The following RIPOR2 variants were observed in gnomAD, a reference collection of about 807,000 sequenced individuals.
RIPOR2 encodes the protein rho family-interacting cell polarization regulator 2.
RIPOR2 carries 39 observed loss-of-function variants against 114.5 expected under a neutral mutation model. That is an observed-to-expected ratio of 0.34 (90% CI 0.26 to 0.44). The LOEUF is 0.44. Among genes scored for constraint, RIPOR2 ranks in the 20% least tolerant of loss-of-function variants. RIPOR2 has a pLI of 1.00. For synonymous variants in RIPOR2, 445 were observed against 484.4 expected (o/e 0.92, Z 1.07); for missense variants, 1,007 against 1,255.1 (o/e 0.80, Z 2.99).
chr6:24,884,744 C>T (rs1766662662), intron 1 of RIPOR2, among the ~76,000 whole-genome samples: 1 of 152,132 alleles, frequency 6.6e-6, no homozygotes, highest in African/African-American at 2.4e-5. Flanking sequence ...CAATTGAAAT[C>T]AAAGCTTCAT....
rs6918088 is a variant in RIPOR2, at chr6:24,878,812, G to A, written c.62-2995C>T. Among the ~76,000 whole-genome samples, 944 of 152,252 alleles carry A rather than the reference G, an allele frequency of 6.2e-3. 11 individuals are homozygous for A. Among genetic ancestry groups the A allele is most frequent in the African/African-American group, 0.021 (859 of 41,564 alleles). On this transcript the variant is annotated intron_variant, in intron 1 of 21. Transcript: ENST00000643898. ...AAAAAGAAAAGATACCAAGTTCATT[G>A]CAAATTTAAGACTTCTGTTAAAATA...
At chr6:25,005,696 TA>T (rs1446084204) in intron 1 of RIPOR2, among the ~76,000 whole-genome samples, 2 of 10,830 alleles carry the variant, frequency 1.8e-4, no homozygotes, top group Non-Finnish European at 3.3e-4. Flanking sequence ...CCTATGGAGA[TA>T]TATATATATA....
intron 1 of RIPOR2, among the ~76,000 whole-genome samples, chr6:24,928,983 T>C (rs1431664270): frequency 6.6e-6 from 1 of 152,224 alleles, no homozygotes; most frequent in Non-Finnish European, 1.5e-5. Flanking sequence ...ACTGTGTCTT[T>C]AAGTATCTTC....
At chr6:25,028,584 G>C (rs1471831023) in intron 1 of RIPOR2, among the ~76,000 whole-genome samples, 1 of 152,190 alleles carries the variant, frequency 6.6e-6, no homozygotes, top group Non-Finnish European at 1.5e-5. Flanking sequence ...CCCAATAGGG[G>C]AGCTGGCACA....
intron 1 of RIPOR2, among the ~76,000 whole-genome samples, chr6:24,880,679 A>C (rs1457522648): frequency 6.6e-6 from 1 of 152,210 alleles, no homozygotes; most frequent in African/African-American, 2.4e-5. Context: ...TCAGCCTTGC[A>C]GAGGAGAAAT....
rs915434950 is a variant in RIPOR2, at chr6:24,875,810, C to T, written c.69G>A (p.Pro23=). The T allele has an allele frequency of 3.7e-6, 6 of 1,608,288 alleles. No homozygotes were observed. The highest frequency in any genetic ancestry group is 5.1e-6 in the Non-Finnish European group (6 of 1,177,294). The stretch of plus-strand genomic sequence containing the variant: ...CCAACATGATTTCCGGGAGTCTGGT[C>T]GGTAGTCCTAGAAGACAGTGGAAAG... ...EEDDVFGEGL[P]TRLPEIMLVG... The change falls in exon 2 of 22, where the codon CCG becomes CCA. Residue 23 remains proline (P), a synonymous_variant. Transcript: ENST00000643898.
chr6:24,836,311 C>T (rs4298344), intron 14 of RIPOR2, among the ~76,000 whole-genome samples: 150,869 of 152,298 alleles, frequency 0.99, 74,739 homozygotes, highest in Middle Eastern at 1. Flanking sequence ...CTCAGATCAA[C>T]TGCTACTTGA....
At chr6:24,884,409 AAAAAT>A (rs1400779171) in intron 1 of RIPOR2, among the ~76,000 whole-genome samples, 1 of 152,238 alleles carries the variant, frequency 6.6e-6, no homozygotes, top group African/African-American at 2.4e-5. Flanking sequence ...ACTCCATCTC[AAAAAT>A]AAAATAAAAT....
At chr6:24,972,796 G>A (rs1354769821) in intron 1 of RIPOR2, among the ~76,000 whole-genome samples, 1 of 152,202 alleles carries the variant, frequency 6.6e-6, no homozygotes, top group East Asian at 1.9e-4. Flanking sequence ...GAACTCACAG[G>A]TGGTTAAGTC....
intron 1 of RIPOR2, among the ~76,000 whole-genome samples, chr6:25,041,382 G>A (rs902178024): frequency 6.6e-6 from 1 of 152,192 alleles, no homozygotes; most frequent in South Asian, 2.1e-4. Flanking sequence ...AATTTAAGAA[G>A]CATACAATTG....
At chr6:24,836,007 C>T in intron 14 of RIPOR2, 136 bp from the exon 15 acceptor site, 1 of 779,388 alleles carries the variant, frequency 1.3e-6, no homozygotes, top group Non-Finnish European at 2.0e-6. Context: ...AAAATAGAGA[C>T]ACCTTTAAAA....
chr6:24,895,023 C>T (rs957311667), intron 1 of RIPOR2, among the ~76,000 whole-genome samples: 19 of 152,018 alleles, frequency 1.2e-4, no homozygotes, highest in East Asian at 3.9e-4. Flanking sequence ...CAAACCAGGC[C>T]GTATCTTAGA....
intron 15 of RIPOR2, 92 bp from the exon 16 acceptor site, chr6:24,832,483 T>A: frequency 8.8e-7 from 1 of 1,142,332 alleles, no homozygotes; most frequent in South Asian, 1.4e-5. Context: ...GTGGTGATGA[T>A]ACTAAATAAA....
chr6:25,013,488 C>T (rs978493018), intron 1 of RIPOR2, among the ~76,000 whole-genome samples: 5 of 152,184 alleles, frequency 3.3e-5, no homozygotes, highest in African/African-American at 9.7e-5. Flanking sequence ...CCTGAAGGGG[C>T]GGCCCCTTGA....
At chr6:24,912,937 G>A (rs188814356) in intron 1 of RIPOR2, among the ~76,000 whole-genome samples, 53 of 152,258 alleles carry the variant, frequency 3.5e-4, no homozygotes, top group African/African-American at 1.3e-3. Context: ...TCCCATAGCT[G>A]CCTCCACTTA....
chr6:24,935,066 G>C (rs937515173), intron 1 of RIPOR2, among the ~76,000 whole-genome samples: 6 of 152,156 alleles, frequency 3.9e-5, no homozygotes, highest in Non-Finnish European at 8.8e-5. Context: ...CCAGCACTTT[G>C]GGGGGCCAAG....
intron 1 of RIPOR2, among the ~76,000 whole-genome samples, chr6:24,922,133 T>C (rs779880449): frequency 2.0e-5 from 3 of 152,160 alleles, no homozygotes; most frequent in African/African-American, 7.2e-5. Flanking sequence ...GCCTGGCTGA[T>C]ATTCTTTAAA....
At chr6:24,987,131 C>G (rs1336777361) in intron 1 of RIPOR2, among the ~76,000 whole-genome samples, 1 of 152,170 alleles carries the variant, frequency 6.6e-6, no homozygotes, top group East Asian at 1.9e-4. Flanking sequence ...TAGAATATAA[C>G]TGGCTGATAG....
intron 1 of RIPOR2, among the ~76,000 whole-genome samples, chr6:24,892,492 T>A (rs1426512596): frequency 6.6e-6 from 1 of 152,220 alleles, no homozygotes; most frequent in Non-Finnish European, 1.5e-5. Flanking sequence ...TTTCTGGGAC[T>A]CAAATCTCAC....
Sources: gnomAD v4.1 joint callset for allele counts (sites outside exome capture counted in the v4.1 genomes callset) on GRCh38, gnomAD v4.1.1 for gene constraint, MANE v1.5 for transcripts, NCBI Gene and HGNC (gene_info 2026-07-23, HGNC 2026-07-21) for gene names.